Variants in LDLRAD3 observed in about 807,000 individuals in gnomAD.
The protein encoded by LDLRAD3 is low density lipoprotein receptor class A domain containing 3, also known as low-density lipoprotein receptor class A domain-containing protein 3.
A neutral mutation model predicts 29.4 loss-of-function variants in LDLRAD3; 20 were observed. The observed-to-expected ratio is 0.68, with a 90% confidence interval of 0.48 to 0.99. LDLRAD3 has a LOEUF of 0.99. LDLRAD3 is among the 50% of genes least tolerant of loss of function. The pLI, the probability that LDLRAD3 is intolerant of heterozygous loss-of-function variation, is 0.00. For missense variants in LDLRAD3, 420 were observed against 454.3 expected, an observed-to-expected ratio of 0.92 and a Z score of 0.69; for synonymous variants, 157 against 192.7, an observed-to-expected ratio of 0.81 and a Z score of 1.53.
At chr11:35,969,745 C>T (rs910907327) in intron 1 of LDLRAD3, among the ~76,000 whole-genome samples, 3 of 152,212 alleles carry the variant, frequency 2.0e-5, no homozygotes, top group African/African-American at 7.2e-5. Flanking sequence ...GTAAACTCCT[C>T]TCTGCTTTCA....
intron 4 of LDLRAD3, among the ~76,000 whole-genome samples, chr11:36,135,156 T>C (rs1853985943): frequency 6.6e-6 from 1 of 152,184 alleles, no homozygotes; most frequent in Non-Finnish European, 1.5e-5. Flanking sequence ...CCTCTCAACT[T>C]TTCTGTATAA....
chr11:36,111,302 G>A (rs936324894), intron 4 of LDLRAD3, among the ~76,000 whole-genome samples: 2 of 152,126 alleles, frequency 1.3e-5, no homozygotes, highest in Non-Finnish European at 2.9e-5. Context: ...AATTTCTAGG[G>A]GTGAGAAGAG....
intron 2 of LDLRAD3, among the ~76,000 whole-genome samples, chr11:36,053,352 C>A (rs768740542): frequency 6.6e-6 from 1 of 152,026 alleles, no homozygotes; most frequent in South Asian, 2.1e-4. Flanking sequence ...TGAGAGTACT[C>A]AGAAATTTAT....
At chr11:36,025,525 A>G (rs1157662935) in intron 1 of LDLRAD3, among the ~76,000 whole-genome samples, 3 of 150,746 alleles carry the variant, frequency 2.0e-5, no homozygotes, top group Non-Finnish European at 3.0e-5. Context: ...AGTAGCTGGG[A>G]CTATAGGCGC....
intron 2 of LDLRAD3, among the ~76,000 whole-genome samples, chr11:36,048,556 C>T (rs142212716): frequency 6.6e-6 from 1 of 152,312 alleles, no homozygotes; most frequent in East Asian, 1.9e-4. Context: ...AGAACTTATC[C>T]AATTAAGTAT....
intron 4 of LDLRAD3, among the ~76,000 whole-genome samples, chr11:36,120,074 A>C (rs1229130985): frequency 6.6e-6 from 1 of 152,064 alleles, no homozygotes; most frequent in Admixed American, 6.6e-5. Flanking sequence ...CTTTTATCGA[A>C]AATGTTATTT....
chr11:36,091,100 T>G (rs1853274015), intron 3 of LDLRAD3, among the ~76,000 whole-genome samples: 3 of 152,080 alleles, frequency 2.0e-5, no homozygotes. Flanking sequence ...CAGCCCCCTC[T>G]CCCTCAGTTG....
chr11:36,205,242 C>T (rs191388514), intron 4 of LDLRAD3, among the ~76,000 whole-genome samples: 103 of 152,288 alleles, frequency 6.8e-4, no homozygotes, highest in Admixed American at 2.8e-3. Flanking sequence ...GCTGAGCTTA[C>T]CCCACATTTG....
intron 3 of LDLRAD3, among the ~76,000 whole-genome samples, chr11:36,087,731 A>G (rs937275564): frequency 2.6e-5 from 4 of 151,558 alleles, no homozygotes; most frequent in African/African-American, 9.7e-5. Flanking sequence ...TTTTTTCCCA[A>G]ATAGGGTCTC....
At chr11:36,077,192 C>G (rs539841728) in intron 2 of LDLRAD3, among the ~76,000 whole-genome samples, 1 of 152,308 alleles carries the variant, frequency 6.6e-6, no homozygotes, top group South Asian at 2.1e-4. Flanking sequence ...TGTTTTTTCA[C>G]TCCTTTCCCA....
intron 1 of LDLRAD3, among the ~76,000 whole-genome samples, chr11:36,011,844 C>A (rs1851959529): frequency 6.6e-6 from 1 of 152,160 alleles, no homozygotes; most frequent in Middle Eastern, 3.2e-3. Context: ...AGCACCAGTG[C>A]AGGCTCTAAC....
chr11:36,047,847 A>T (rs1256354971), intron 2 of LDLRAD3, among the ~76,000 whole-genome samples: 2 of 152,188 alleles, frequency 1.3e-5, no homozygotes, highest in African/African-American at 4.8e-5. Context: ...CAGAGGAAGC[A>T]CACAATCAAT....
At chr11:36,121,707 T>C (rs1026601952) in intron 4 of LDLRAD3, among the ~76,000 whole-genome samples, 1 of 152,254 alleles carries the variant, frequency 6.6e-6, no homozygotes, top group East Asian at 1.9e-4. Flanking sequence ...CTATCTGTTA[T>C]GATTTATGCT....
At chr11:36,036,051 C>T in intron 1 of LDLRAD3, 52 bp from the exon 2 acceptor site, 1 of 1,583,308 alleles carries the variant, frequency 6.3e-7, no homozygotes, top group Non-Finnish European at 8.6e-7. Flanking sequence ...TTGAGGGGCG[C>T]TGAGGTCCCT....
intron 4 of LDLRAD3, among the ~76,000 whole-genome samples, chr11:36,191,547 T>TCA (rs1158092922): frequency 1.8e-5 from 1 of 54,754 alleles, no homozygotes; most frequent in Non-Finnish European, 3.4e-5. Context: ...TGTCTCTCTC[T>TCA]CTCTCTCTCT....
chr11:36,025,367 T>C (rs1473291858), intron 1 of LDLRAD3, among the ~76,000 whole-genome samples: 1 of 151,862 alleles, frequency 6.6e-6, no homozygotes, highest in East Asian at 1.9e-4. Context: ...TGAATTCTAA[T>C]ATTTTGCCAT....
chr11:35,982,537 A>G (rs1485408315), intron 1 of LDLRAD3, among the ~76,000 whole-genome samples: 1 of 152,138 alleles, frequency 6.6e-6, no homozygotes, highest in East Asian at 1.9e-4. Flanking sequence ...GACACATTTC[A>G]ACCCATAACT....
chr11:36,001,772 TGTG>T (rs1851828341), intron 1 of LDLRAD3, among the ~76,000 whole-genome samples: 1 of 146,748 alleles, frequency 6.8e-6, no homozygotes, highest in African/African-American at 2.4e-5. Context: ...TGTGTGTGTG[TGTG>T]TGTGTGTGTG....
In LDLRAD3 at chr11:36,140,554, G is replaced by A. The variant is rs552445660; in HGVS notation, c.454+42093G>A. ...AGCGATCCTCCCACCTCAGTCTCCT[G>A]AGTAGCTGGGACTACAGGTGTGCGC... On this transcript the variant is annotated intron_variant, in intron 4 of 5. Coordinates refer to ENST00000315571, the MANE Select transcript of LDLRAD3 (RefSeq NM_174902.4). Among the ~76,000 whole-genome samples, 4 of 152,182 alleles carry A rather than the reference G, an allele frequency of 2.6e-5. No individual in the cohort carries two copies. In the South Asian group the frequency reaches 8.3e-4, roughly 32 times the overall value.
Sources: allele counts gnomAD v4.1 joint callset (sites outside exome capture counted in the v4.1 genomes callset), GRCh38; gene constraint gnomAD v4.1.1; transcripts MANE v1.5; gene names NCBI Gene and HGNC (gene_info 2026-07-23, HGNC 2026-07-21).